Variants in IGF1R observed in about 807,000 individuals in gnomAD.
IGF1R encodes insulin-like growth factor 1 receptor.
Under a neutral mutation model 144.6 loss-of-function variants are expected in IGF1R, and 44 were observed. The observed-to-expected ratio is 0.30, with a 90% CI of 0.24 to 0.39. The LOEUF (loss-of-function observed/expected upper bound fraction) is 0.39. Among genes scored for constraint, IGF1R ranks in the 10% least tolerant of loss-of-function variants. The pLI, the probability that IGF1R is intolerant of heterozygous loss-of-function variation, is 1.00. For synonymous variants in IGF1R, 795 were observed against 722.8 expected (o/e 1.10, Z -1.60); for missense variants, 1,355 against 1,833.7 (o/e 0.74, Z 4.77).
intron 2 of IGF1R, among the ~76,000 whole-genome samples, chr15:98,736,096 TCCAA>T (rs2054602650): frequency 2.0e-5 from 3 of 152,100 alleles, no homozygotes; most frequent in Non-Finnish European, 2.9e-5. Flanking sequence ...AGAAAAACAA[TCCAA>T]CCAAGAGAGG....
At chr15:98,818,409 A>G (rs1027631558) in intron 2 of IGF1R, among the ~76,000 whole-genome samples, 6 of 152,168 alleles carry the variant, frequency 3.9e-5, no homozygotes, top group African/African-American at 1.2e-4. Context: ...CAGTCAGTCT[A>G]GCTGCTGGGT....
At chr15:98,835,000 T>C (rs1409283561) in intron 2 of IGF1R, among the ~76,000 whole-genome samples, 1 of 152,002 alleles carries the variant, frequency 6.6e-6, no homozygotes, top group Non-Finnish European at 1.5e-5. Flanking sequence ...TATAGGCTTA[T>C]ATTGAGTGAA....
At chr15:98,682,858 T>A (rs1219641914) in intron 1 of IGF1R, among the ~76,000 whole-genome samples, 1 of 152,104 alleles carries the variant, frequency 6.6e-6, no homozygotes, top group Admixed American at 6.6e-5. Flanking sequence ...GGTTGCTTTT[T>A]AAATTCATAC....
intron 2 of IGF1R, among the ~76,000 whole-genome samples, chr15:98,762,230 TTTCTTTTC>T (rs1349830627): frequency 9.0e-6 from 1 of 110,726 alleles, no homozygotes; most frequent in African/African-American, 3.5e-5. Context: ...TTTCTTTTCT[TTTCTTTTC>T]TTTTTTTTTT....
At chr15:98,886,055 T>G (rs1375113625) in intron 2 of IGF1R, among the ~76,000 whole-genome samples, 1 of 152,130 alleles carries the variant, frequency 6.6e-6, no homozygotes, top group Non-Finnish European at 1.5e-5. Context: ...TGACCTCAGT[T>G]GATCTGCCCG....
chr15:98,909,839 A>G (rs11247381), intron 6 of IGF1R, among the ~76,000 whole-genome samples: 10,334 of 152,302 alleles, frequency 0.068, 647 homozygotes, highest in African/African-American at 0.16. Flanking sequence ...TTAAGGTCTC[A>G]TATCAGAGAT....
rs1463304020 is a variant in IGF1R, at chr15:98,958,960, GCTCT to G, written c.*1521_*1524del. The G allele has an allele frequency of 4.3e-6, 1 of 233,224 alleles. No individual in the cohort carries two copies. The highest frequency in any genetic ancestry group is 8.5e-6 in the Non-Finnish European group (1 of 118,054). 14.4% of individuals were successfully genotyped at this position (233,224 alleles called of 1,614,324 possible). A position where few individuals can be genotyped will look rare whatever the true frequency, so the allele number is the denominator to read the frequency against. On this transcript the variant is annotated 3_prime_UTR_variant, in exon 21 of 21. Coordinates refer to ENST00000650285, the MANE Select transcript of IGF1R (RefSeq NM_000875.5). ...CCTTTAGTTGTTTTCTAACCCGTAGGCTCTCTGGGCACGAGGCAGAAAGCAGGCC... is the reference window on the plus strand; with the variant it reads ...CCTTTAGTTGTTTTCTAACCCGTAGGCTGGGCACGAGGCAGAAAGCAGGCC...
intron 1 of IGF1R, chr15:98,650,828 C>G (rs1416283219): frequency 3.5e-6 from 3 of 851,386 alleles, no homozygotes; most frequent in Non-Finnish European, 4.2e-6. Context: ...AGCAGTGTCG[C>G]TCCACATTCG....
chr15:98,707,421 A>G lies in IGF1R; in HGVS notation c.95-141A>G, dbSNP rs971879202. On this transcript the variant is annotated intron_variant, in intron 1 of 20. Coordinates refer to ENST00000650285, the MANE Select transcript of IGF1R (RefSeq NM_000875.5). The surrounding 1 kb of genome is among the most constrained non-coding windows in gnomAD (Gnocchi z 6.7). Reference sequence around the variant, plus strand: ...CACCTAAACTGTCAGTCTGCAACCCACAGCTCTGCAGTGAACAATTGAACC... The same window carrying G: ...CACCTAAACTGTCAGTCTGCAACCCGCAGCTCTGCAGTGAACAATTGAACC... 48 of 888,076 alleles carry G rather than the reference A, an allele frequency of 5.4e-5. No homozygotes were observed. The highest frequency in any genetic ancestry group is 7.5e-5 in the Non-Finnish European group (42 of 558,036). The allele number at this position is 888,076 out of a possible 1,614,324, so 55.0% of individuals were successfully genotyped here. A position where few individuals can be genotyped will look rare whatever the true frequency, so the allele number is the denominator to read the frequency against.
chr15:98,653,894 C>G (rs566198373), intron 1 of IGF1R, among the ~76,000 whole-genome samples: 3 of 152,310 alleles, frequency 2.0e-5, no homozygotes, highest in African/African-American at 7.2e-5. Context: ...CCTTTTAAAT[C>G]TGGTTTCATT....
chr15:98,664,314 G>A (rs1036993748), intron 1 of IGF1R, among the ~76,000 whole-genome samples: 3 of 152,060 alleles, frequency 2.0e-5, no homozygotes, highest in East Asian at 1.9e-4. Flanking sequence ...GCATTGTACC[G>A]GGGCACGTTA....
At chr15:98,666,163 C>A (rs1297334982) in intron 1 of IGF1R, among the ~76,000 whole-genome samples, 1 of 152,188 alleles carries the variant, frequency 6.6e-6, no homozygotes, top group Non-Finnish European at 1.5e-5. Context: ...GTCAGACCCA[C>A]AATTGGTACT....
rs771597784 is a variant in IGF1R, at chr15:98,707,746, C to T, written c.279C>T (p.Leu93=). Reference sequence around the variant, plus strand: ...TGCTGCTGTTCCGAGTGGCTGGCCTCGAGAGCCTCGGAGACCTCTTCCCCA... The same window carrying T: ...TGCTGCTGTTCCGAGTGGCTGGCCTTGAGAGCCTCGGAGACCTCTTCCCCA... The part of the protein sequence containing the change: ...EYLLLFRVAG[L]ESLGDLFPNL... The change falls in exon 2 of 21, where the codon CTC becomes CTT. Residue 93 remains leucine, a synonymous_variant. Coordinates refer to ENST00000650285, the MANE Select transcript of IGF1R (RefSeq NM_000875.5). The surrounding 1 kb of genome is among the most constrained non-coding windows in gnomAD (Gnocchi z 6.7). The T allele has an allele frequency of 5.0e-6, 8 of 1,614,032 alleles. No homozygotes were observed. Among genetic ancestry groups the T allele is most frequent in the African/African-American group, 4.0e-5 (3 of 74,918 alleles).
At chr15:98,877,818 A>G (rs2013140135) in intron 2 of IGF1R, among the ~76,000 whole-genome samples, 1 of 152,238 alleles carries the variant, frequency 6.6e-6, no homozygotes, top group Admixed American at 6.5e-5. Flanking sequence ...CCTGGTAAAC[A>G]GTTCTGCTGT....
intron 2 of IGF1R, among the ~76,000 whole-genome samples, chr15:98,710,729 C>T (rs903435320): frequency 6.7e-6 from 1 of 150,258 alleles, no homozygotes; most frequent in Non-Finnish European, 1.5e-5. Context: ...TGCAGCGGCG[C>T]GATCTCGGCT....
intron 2 of IGF1R, among the ~76,000 whole-genome samples, chr15:98,872,319 C>T (rs1283763111): frequency 6.6e-6 from 1 of 152,118 alleles, no homozygotes; most frequent in East Asian, 1.9e-4. Flanking sequence ...CTGTGGATTA[C>T]TAGTATATGA....
intron 2 of IGF1R, among the ~76,000 whole-genome samples, chr15:98,775,531 C>G (rs1009298882): frequency 3.3e-5 from 5 of 152,186 alleles, no homozygotes; most frequent in African/African-American, 1.2e-4. Context: ...ACCACTGCCA[C>G]CACCACAGCT....
chr15:98,862,362 C>T (rs1472905856), intron 2 of IGF1R, among the ~76,000 whole-genome samples: 1 of 152,206 alleles, frequency 6.6e-6, no homozygotes, highest in Non-Finnish European at 1.5e-5. Context: ...CTCTTTGCAT[C>T]CTTCAACCAT....
intron 2 of IGF1R, among the ~76,000 whole-genome samples, chr15:98,822,506 T>TA (rs2056820292): frequency 6.6e-6 from 1 of 152,212 alleles, no homozygotes; most frequent in South Asian, 2.1e-4. Flanking sequence ...TAAAATAAAA[T>TA]ACATTTTGAC....
Sources: gnomAD v4.1 joint callset for allele counts (sites outside exome capture counted in the v4.1 genomes callset) on GRCh38, gnomAD v4.1.1 for gene constraint, Gnocchi (gnomAD v3.1) non-coding constraint, MANE v1.5 for transcripts, NCBI Gene and HGNC (gene_info 2026-07-23, HGNC 2026-07-21) for gene names.